The following EFCAB6 variants were observed in gnomAD, a reference collection of about 807,000 sequenced individuals.
The protein encoded by EFCAB6 is EF-hand calcium-binding domain-containing protein 6.
In EFCAB6, 156 loss-of-function variants were observed where a neutral mutation model predicts 169.8. The observed-to-expected ratio is 0.92, with a 90% confidence interval of 0.81 to 1.05. EFCAB6 has a LOEUF of 1.05. EFCAB6 is among the 50% of genes least tolerant of loss of function. The pLI is 0.00. For missense variants in EFCAB6, 1,800 were observed against 1,829.1 expected (o/e 0.98, Z 0.29); for synonymous variants, 698 against 676.4 (o/e 1.03, Z -0.50).
chr22:43,698,345 T>G (rs899844887), intron 10 of EFCAB6, among the ~76,000 whole-genome samples: 1 of 152,180 alleles, frequency 6.6e-6, no homozygotes, highest in Non-Finnish European at 1.5e-5. Flanking sequence ...TTTGTGGGGA[T>G]TTGTGTACAT....
At chr22:43,736,074 T>G in intron 6 of EFCAB6, 81 bp from the exon 7 acceptor site, 2 of 1,302,110 alleles carry the variant, frequency 1.5e-6, no homozygotes, top group South Asian at 3.6e-5. Context: ...GAAAGTTTTT[T>G]TTAATACTTT....
chr22:43,623,917 AAAAAAGAAAAAAAAG>A (rs1173628069), intron 20 of EFCAB6, among the ~76,000 whole-genome samples: 1 of 138,522 alleles, frequency 7.2e-6, no homozygotes, highest in African/African-American at 2.7e-5. Flanking sequence ...TCAAAAAAAA[AAAAAAGAAAAAAAAG>A]AAAAAAGAAA....
chr22:43,635,310 A>C (rs2055305538), intron 17 of EFCAB6, 94 bp from the exon 18 acceptor site: 2 of 908,620 alleles, frequency 2.2e-6, no homozygotes, highest in South Asian at 2.7e-5. Context: ...GGCTCACAGC[A>C]GGGCTCATGA....
At chr22:43,772,368 A>C (rs764129811) in intron 4 of EFCAB6, among the ~76,000 whole-genome samples, 17 of 152,242 alleles carry the variant, frequency 1.1e-4, no homozygotes, top group Non-Finnish European at 2.1e-4. Flanking sequence ...GGCCGGGTGC[A>C]GTGGCTCATG....
At chr22:43,546,500 A>T (rs1378647229) in intron 27 of EFCAB6, among the ~76,000 whole-genome samples, 1 of 152,200 alleles carries the variant, frequency 6.6e-6, no homozygotes, top group Non-Finnish European at 1.5e-5. Context: ...TGATATTTTT[A>T]AAAAATTGAG....
chr22:43,647,074 G>A (rs912624208), intron 17 of EFCAB6, among the ~76,000 whole-genome samples: 3 of 151,682 alleles, frequency 2.0e-5, no homozygotes, highest in Admixed American at 1.3e-4. Flanking sequence ...GGGGACAGGG[G>A]TATACGGGAA....
intron 2 of EFCAB6, among the ~76,000 whole-genome samples, chr22:43,787,325 C>T (rs1306174412): frequency 6.8e-6 from 1 of 147,098 alleles, no homozygotes; most frequent in Non-Finnish European, 1.5e-5. Flanking sequence ...CTAAGGAATA[C>T]AGGCAGACAG....
intron 3 of EFCAB6, among the ~76,000 whole-genome samples, chr22:43,774,191 A>C (rs1056526168): frequency 6.6e-6 from 1 of 151,888 alleles, no homozygotes; most frequent in Non-Finnish European, 1.5e-5. Flanking sequence ...CATTTCTGGC[A>C]TAAGGACAGT....
chr22:43,620,060 G>A (rs1231007563), intron 20 of EFCAB6, among the ~76,000 whole-genome samples: 1 of 152,192 alleles, frequency 6.6e-6, no homozygotes, highest in African/African-American at 2.4e-5. Context: ...GCTCATGCCT[G>A]TGATCCAAGC....
At chr22:43,555,199 G>T in intron 26 of EFCAB6, 103 bp from the exon 27 acceptor site, 2 of 1,203,446 alleles carry the variant, frequency 1.7e-6, no homozygotes, top group Non-Finnish European at 1.2e-6. Flanking sequence ...CCAGCGTGGT[G>T]GGGAGGAGAG....
chr22:43,775,308 T>C (rs2061604643), intron 3 of EFCAB6, among the ~76,000 whole-genome samples: 1 of 152,116 alleles, frequency 6.6e-6, no homozygotes, highest in Non-Finnish European at 1.5e-5. Context: ...CACTCCTCCC[T>C]GCAAAAGTGG....
At chr22:43,765,852 A>G (rs1342774685) in intron 4 of EFCAB6, among the ~76,000 whole-genome samples, 1 of 152,152 alleles carries the variant, frequency 6.6e-6, no homozygotes, top group African/African-American at 2.4e-5. Context: ...AAAGGATATC[A>G]TTGGGTCAAG....
At chr22:43,656,794 C>T (rs193224107) in intron 17 of EFCAB6, among the ~76,000 whole-genome samples, 1 of 119,536 alleles carries the variant, frequency 8.4e-6, no homozygotes. Flanking sequence ...AAGGTTATAC[C>T]ACATAGCTTA....
chr22:43,751,243 T>C (rs2060749969), intron 6 of EFCAB6, among the ~76,000 whole-genome samples: 1 of 152,222 alleles, frequency 6.6e-6, no homozygotes, highest in Admixed American at 6.5e-5. Context: ...ATACACTGTA[T>C]TCCTATACAG....
chr22:43,678,033 GTGTT>G lies in EFCAB6; in HGVS notation c.1378_1381del (p.Asn460ProfsTer7). On this transcript the variant is annotated frameshift_variant, in exon 13 of 32. Transcript: ENST00000262726. LOFTEE classifies it high-confidence loss of function. ...TTCAATCAGATCAATAAACATGCTG[GTGTT>G]GACCACTCCAGTGTCCCCAGGGTCA... The G allele has an allele frequency of 1.9e-6, 3 of 1,613,940 alleles. No individual in the cohort carries two copies. Among genetic ancestry groups the G allele is most frequent in the Non-Finnish European group, 2.5e-6 (3 of 1,179,976 alleles).
intron 26 of EFCAB6, among the ~76,000 whole-genome samples, chr22:43,560,719 T>C (rs775360118): frequency 5.9e-5 from 9 of 152,186 alleles, no homozygotes; most frequent in African/African-American, 1.9e-4. Context: ...TCAACAAGCA[T>C]GGACGTGAAG....
At chr22:43,616,273 G>A (rs534250609) in intron 20 of EFCAB6, among the ~76,000 whole-genome samples, 19 of 152,328 alleles carry the variant, frequency 1.2e-4, no homozygotes, top group African/African-American at 3.6e-4. Flanking sequence ...TTCTGAATTT[G>A]CAAGTTGGAG....
intron 20 of EFCAB6, among the ~76,000 whole-genome samples, chr22:43,624,446 CCCCAACCAGGCCCACCATGCAGGTGGAT>C (rs2054351356): frequency 1.3e-5 from 2 of 152,176 alleles, no homozygotes; most frequent in African/African-American, 4.8e-5. Context: ...CTGGCCTCCT[CCCCAACCAGGCCCACCATGCAGGTGGAT>C]CCCACACATG....
intron 26 of EFCAB6, among the ~76,000 whole-genome samples, chr22:43,566,011 CA>C (rs34175291): frequency 0.78 from 114,199 of 146,458 alleles, 44,577 homozygotes; most frequent in East Asian, 0.99. Flanking sequence ...AACTGCCTGT[CA>C]AAAAAAAAAA....
Sources: gnomAD v4.1 joint callset for allele counts (sites outside exome capture counted in the v4.1 genomes callset) on GRCh38, gnomAD v4.1.1 for gene constraint, MANE v1.5 for transcripts, NCBI Gene and HGNC (gene_info 2026-07-23, HGNC 2026-07-21) for gene names.